ATPAF1: variants seen among roughly 807,000 people sequenced by gnomAD.
ATPAF1 encodes ATP synthase mitochondrial F1 complex assembly factor 1, also known as homolog of yeast ATP11.
A neutral mutation model predicts 43.9 loss-of-function variants in ATPAF1; 26 were observed. The observed-to-expected ratio is 0.59, with a 90% CI of 0.43 to 0.82. The LOEUF (loss-of-function observed/expected upper bound fraction) is 0.82. Ranked by LOEUF, ATPAF1 falls within the 40% of genes least tolerant of loss-of-function variation. The pLI is 0.00. For synonymous variants in ATPAF1, 157 were observed against 168.0 expected (o/e 0.93, Z 0.50); for missense variants, 366 against 435.0 (o/e 0.84, Z 1.41).
At chr1:46,668,514 T>G (rs1469960516), upstream of ATPAF1, 1 of 715,396 alleles carries the variant, frequency 1.4e-6, no homozygotes, top group Non-Finnish European at 1.8e-6. The surrounding 1 kb of genome is among the most constrained non-coding windows in gnomAD (Gnocchi z 4.4). Flanking sequence ...GCCCCGGCAC[T>G]GCGCGCTCTC....
At chr1:46,647,783 G>A (rs1215829192) in intron 6 of ATPAF1, among the ~76,000 whole-genome samples, 1 of 152,202 alleles carries the variant, frequency 6.6e-6, no homozygotes, top group Non-Finnish European at 1.5e-5. Flanking sequence ...CGGCAGTATA[G>A]GAGAGTTCCA....
intron 2 of ATPAF1, among the ~76,000 whole-genome samples, chr1:46,662,585 C>A (rs1321745955): frequency 1.3e-5 from 2 of 152,000 alleles, no homozygotes; most frequent in Non-Finnish European, 2.9e-5. Context: ...TGCTACCACA[C>A]CCAGCTAAGT....
At chr1:46,636,782 T>C (rs1459648690) in intron 8 of ATPAF1, among the ~76,000 whole-genome samples, 2 of 152,022 alleles carry the variant, frequency 1.3e-5, no homozygotes, top group African/African-American at 4.8e-5. Context: ...GAATGAGTTC[T>C]GCTATCAAGC....
At chr1:46,646,089 T>C (rs1676038866) in intron 6 of ATPAF1, among the ~76,000 whole-genome samples, 2 of 152,186 alleles carry the variant, frequency 1.3e-5, no homozygotes, top group South Asian at 2.1e-4. Flanking sequence ...GCAGGAGGAC[T>C]GATTGAGCCC....
At chr1:46,665,809 T>C in intron 1 of ATPAF1, 1 of 1,452,748 alleles carries the variant, frequency 6.9e-7, no homozygotes, top group Non-Finnish European at 9.0e-7. Flanking sequence ...CAGATCCTGG[T>C]GATTCAGAGG....
intron 3 of ATPAF1, 24 bp downstream of exon 3, chr1:46,658,663 T>C (rs1322806994): frequency 1.9e-6 from 3 of 1,567,252 alleles, no homozygotes; most frequent in South Asian, 2.3e-5. Flanking sequence ...AAGCTTTTTT[T>C]CCTATATTTA....
In ATPAF1 at chr1:46,665,370, C is replaced by A. The variant is rs1298503849; in HGVS notation, c.267-6G>T. On this transcript the variant is annotated splice_region_variant and splice_polypyrimidine_tract_variant and intron_variant, in intron 1 of 8. Coordinates refer to ENST00000574428, the Ensembl canonical transcript of ATPAF1. ...CAAAAGCAGCTGGGTCTGACCTGATCAGAGGTAAACCAAAGGGTAAACCAA... is the reference window on the plus strand; with the variant it reads ...CAAAAGCAGCTGGGTCTGACCTGATAAGAGGTAAACCAAAGGGTAAACCAA... 1.2e-6 allele frequency: 2 copies of A among 1,613,778 alleles called. No homozygotes were observed. The highest frequency in any genetic ancestry group is 2.2e-5 in the East Asian group (1 of 44,894).
At chr1:46,648,583 G>T (rs1350205105) in intron 6 of ATPAF1, among the ~76,000 whole-genome samples, 1 of 152,166 alleles carries the variant, frequency 6.6e-6, no homozygotes, top group Admixed American at 6.5e-5. Context: ...ATTGCCCAAG[G>T]TGATTTTTTT....
chr1:46,638,096 G>A (rs1467445346), intron 8 of ATPAF1, among the ~76,000 whole-genome samples: 1 of 152,176 alleles, frequency 6.6e-6, no homozygotes, highest in Non-Finnish European at 1.5e-5. Context: ...CACTCTCTCA[G>A]CCCCTGGCTA....
Position 46,642,540 on chromosome 1 carries a change from A to G in ATPAF1, c.792+654T>C, listed in dbSNP as rs1675968295. On this transcript the variant is annotated intron_variant, in intron 8 of 8. Coordinates refer to ENST00000574428, the Ensembl canonical transcript of ATPAF1. ...GAGCATATGGTCAATGCTCTATCTC[A>G]GTGATTCTCATCTAGGAGTGGGAAA... 2.0e-5 allele frequency among the ~76,000 whole-genome samples: 3 copies of G among 152,336 alleles called. No homozygotes were observed. The South Asian group carries it at 6.2e-4, about 32-fold the overall frequency.
intron 6 of ATPAF1, chr1:46,652,347 C>T (rs912888091): frequency 2.8e-5 from 12 of 421,236 alleles, no homozygotes; most frequent in Non-Finnish European, 4.2e-5. Context: ...TGGGTCAAAC[C>T]CACATGATTT....
intron 6 of ATPAF1, among the ~76,000 whole-genome samples, chr1:46,651,896 G>C (rs534437180): frequency 6.6e-6 from 1 of 152,060 alleles, no homozygotes; most frequent in Non-Finnish European, 1.5e-5. Flanking sequence ...CTTCTCAAAA[G>C]AAGACATTTA....
chr1:46,647,037 C>G (rs1382029456), intron 6 of ATPAF1, among the ~76,000 whole-genome samples: 2 of 152,200 alleles, frequency 1.3e-5, no homozygotes, highest in African/African-American at 4.8e-5. Context: ...ATTTTAAATG[C>G]TAGTCCACCG....
At chr1:46,640,337 TG>T (rs1448356825) in intron 8 of ATPAF1, among the ~76,000 whole-genome samples, 1 of 152,182 alleles carries the variant, frequency 6.6e-6, no homozygotes, top group Admixed American at 6.6e-5. Flanking sequence ...TGGCCCAGCG[TG>T]GTGGCTCATG....
At chr1:46,635,570 G>A (rs1675821745) in exon 9 of ATPAF1, 1 of 553,580 alleles carries the variant, frequency 1.8e-6, no homozygotes, top group Admixed American at 3.3e-5. Flanking sequence ...CAAGTATGCT[G>A]AGATAATTAT....
chr1:46,641,689 T>C (rs746915027), intron 8 of ATPAF1, among the ~76,000 whole-genome samples: 1 of 152,154 alleles, frequency 6.6e-6, no homozygotes, highest in African/African-American at 2.4e-5. Context: ...ATTTGGTGAG[T>C]TGAGCAGTCC....
chr1:46,663,467 T>C (rs1361513531), intron 2 of ATPAF1, among the ~76,000 whole-genome samples: 1 of 152,248 alleles, frequency 6.6e-6, no homozygotes, highest in Non-Finnish European at 1.5e-5. Context: ...TTTTTAATGA[T>C]TGCCATTCTA....
At chr1:46,634,036 A>G, downstream of ATPAF1, 1 of 354,528 alleles carries the variant, frequency 2.8e-6, no homozygotes, top group South Asian at 2.2e-5. Context: ...CCTTTAGAGA[A>G]ATAGTGAAAG....
In ATPAF1 at chr1:46,657,198, C is replaced by G. The variant is rs567831209; in HGVS notation, c.489+929G>C. Among the ~76,000 whole-genome samples, 241 of 152,270 alleles carry G rather than the reference C, an allele frequency of 1.6e-3. 1 individual carries two copies. Among genetic ancestry groups the G allele is most frequent in the African/African-American group, 5.4e-3 (225 of 41,554 alleles). On this transcript the variant is annotated intron_variant, in intron 4 of 8. Coordinates refer to ENST00000574428, the Ensembl canonical transcript of ATPAF1. Reference sequence around the variant, plus strand: ...GAAATAATGCATATGAAGCATTAGGCATTGTACCTGATACAGAGTATGCTG... The same window carrying G: ...GAAATAATGCATATGAAGCATTAGGGATTGTACCTGATACAGAGTATGCTG...
Sources: allele counts gnomAD v4.1 joint callset (sites outside exome capture counted in the v4.1 genomes callset), GRCh38; gene constraint gnomAD v4.1.1; non-coding constraint Gnocchi (gnomAD v3.1); transcripts MANE v1.5; gene names NCBI Gene and HGNC (gene_info 2026-07-23, HGNC 2026-07-21).